CTNNA2: variants seen among roughly 807,000 people sequenced by gnomAD.
CTNNA2 encodes the protein catenin alpha-2.
CTNNA2 carries 42 observed loss-of-function variants against 101.0 expected under a neutral mutation model. The ratio of observed to expected loss-of-function variants is 0.42; its 90% CI spans 0.32 to 0.54. CTNNA2 has a LOEUF of 0.54. Ranked by LOEUF, CTNNA2 falls within the 20% of genes least tolerant of loss-of-function variation. CTNNA2 has a pLI of 0.14. For synonymous variants in CTNNA2, 450 were observed against 456.4 expected (o/e 0.99, Z 0.18); for missense variants, 871 against 1,223.1 (o/e 0.71, Z 4.29).
At chr2:80,146,683 G>GT (rs1255884055) in intron 7 of CTNNA2, among the ~76,000 whole-genome samples, 1 of 100,162 alleles carries the variant, frequency 1.0e-5, no homozygotes, top group Admixed American at 1.1e-4. Context: ...TTATACTATC[G>GT]TTTTCTGAAG....
At position 79,676,383 on chromosome 2, in the gene CTNNA2, C is replaced by A. The variant is rs148831344; in HGVS notation, c.102+24725C>A. ...AGGTCACATACCAGCTGTCACACCC[C>A]TCCCTGGACTCGGACACTTACTGTG... On this transcript the variant is annotated intron_variant, in intron 2 of 18. Transcript: ENST00000402739. Among the ~76,000 whole-genome samples the A allele has an allele frequency of 8.1e-4, 124 of 152,278 alleles. 1 individual carries two copies. In the East Asian group the frequency reaches 8.9e-3, roughly 11 times the overall value.
At chr2:79,285,465 G>A (rs189621909) in intron 2 of CTNNA2, among the ~76,000 whole-genome samples, 13,177 of 143,830 alleles carry the variant, frequency 0.092, 606 homozygotes, top group Non-Finnish European at 0.11. Context: ...CTTTGTTCAC[G>A]TTGGTTTCAA....
At chr2:79,325,187 T>A (rs1676717439) in intron 3 of CTNNA2, among the ~76,000 whole-genome samples, 1 of 152,070 alleles carries the variant, frequency 6.6e-6, no homozygotes, top group African/African-American at 2.4e-5. Context: ...CTATGAGAAA[T>A]AGGAATAGGT....
chr2:80,522,166 C>T (rs769444388), intron 9 of CTNNA2, among the ~76,000 whole-genome samples: 6 of 152,118 alleles, frequency 3.9e-5, no homozygotes, highest in African/African-American at 1.2e-4. Flanking sequence ...AGTCCATATT[C>T]GGAAACAGTT....
At chr2:79,866,333 C>T (rs1184439415) in intron 4 of CTNNA2, among the ~76,000 whole-genome samples, 2 of 152,142 alleles carry the variant, frequency 1.3e-5, no homozygotes, top group East Asian at 3.9e-4. Context: ...GACAAAAATA[C>T]GTGGTTTAGC....
At chr2:80,124,956 G>A (rs1011439561) in intron 7 of CTNNA2, among the ~76,000 whole-genome samples, 1 of 152,174 alleles carries the variant, frequency 6.6e-6, no homozygotes, top group African/African-American at 2.4e-5. Context: ...GGCCAAGGCA[G>A]AGGGGAAGAT....
intron 7 of CTNNA2, among the ~76,000 whole-genome samples, chr2:79,967,933 A>G (rs550631316): frequency 7.9e-5 from 12 of 152,360 alleles, no homozygotes; most frequent in Admixed American, 6.5e-4. Flanking sequence ...ACATTATGCT[A>G]TATAAAAGAA....
At chr2:79,704,677 T>C (rs1446593572) in intron 2 of CTNNA2, among the ~76,000 whole-genome samples, 2 of 149,670 alleles carry the variant, frequency 1.3e-5, no homozygotes, top group African/African-American at 5.1e-5. Context: ...CACGCCTGGC[T>C]AATTTTTTTG....
At chr2:80,590,230 G>A (rs879294011) in intron 15 of CTNNA2, among the ~76,000 whole-genome samples, 4 of 152,120 alleles carry the variant, frequency 2.6e-5, no homozygotes, top group African/African-American at 4.8e-5. Flanking sequence ...GACAAACCAA[G>A]GGAGAGCAAA....
chr2:80,465,952 G>A (rs1426252661), intron 9 of CTNNA2, among the ~76,000 whole-genome samples: 1 of 152,078 alleles, frequency 6.6e-6, no homozygotes. Flanking sequence ...GTCTCACATA[G>A]TTGGTTATTT....
chr2:79,730,200 A>T (rs1687113436), intron 2 of CTNNA2, among the ~76,000 whole-genome samples: 1 of 152,092 alleles, frequency 6.6e-6, no homozygotes. Flanking sequence ...TGATTTTCTT[A>T]TCTGAGTAAT....
At chr2:80,090,232 G>A (rs1051596318) in intron 7 of CTNNA2, among the ~76,000 whole-genome samples, 2 of 151,600 alleles carry the variant, frequency 1.3e-5, no homozygotes, top group Non-Finnish European at 2.9e-5. Flanking sequence ...ATGCCTACAT[G>A]TGAGTTTTGC....
intron 3 of CTNNA2, among the ~76,000 whole-genome samples, chr2:79,366,371 T>C (rs1677751041): frequency 6.6e-6 from 1 of 152,266 alleles, no homozygotes; most frequent in African/African-American, 2.4e-5. Context: ...TTCTTCCTTA[T>C]ATTAGGAACA....
rs547135213 is a variant in CTNNA2, at chr2:79,193,644, T to G, written c.-523-4315T>G. Among the ~76,000 whole-genome samples the G allele has an allele frequency of 1.6e-4, 25 of 152,310 alleles. No homozygotes were observed. The South Asian group carries it at 1.7e-3, about 10-fold the overall frequency. On this transcript the variant is annotated intron_variant, in intron 1 of 21. Transcript: ENST00000466387. ...TGCCTTCCATTTTTGACCTCCAATT[T>G]CAAATAGGGCATCTCTAGTAGGCTT...
At chr2:80,481,632 C>G (rs2149500519) in intron 9 of CTNNA2, among the ~76,000 whole-genome samples, 1 of 152,190 alleles carries the variant, frequency 6.6e-6, no homozygotes. Context: ...GTCAAAGGAC[C>G]TCAGAGTTTT....
chr2:79,697,407 G>A (rs999033707), intron 2 of CTNNA2, among the ~76,000 whole-genome samples: 1 of 152,048 alleles, frequency 6.6e-6, no homozygotes, highest in African/African-American at 2.4e-5. Context: ...AGTTCTGACA[G>A]TCTGTCAACA....
At chr2:79,687,284 A>G (rs1031278792) in intron 2 of CTNNA2, among the ~76,000 whole-genome samples, 3 of 152,118 alleles carry the variant, frequency 2.0e-5, no homozygotes, top group African/African-American at 7.2e-5. Context: ...TGAAAAAGTG[A>G]TACTCAAAAT....
chr2:79,329,555 G>A (rs1367036237), intron 3 of CTNNA2, among the ~76,000 whole-genome samples: 1 of 151,986 alleles, frequency 6.6e-6, no homozygotes, highest in Non-Finnish European at 1.5e-5. Context: ...ACCTACACTG[G>A]TGTGCAGTGG....
At chr2:79,377,659 G>A (rs142785969) in intron 4 of CTNNA2, among the ~76,000 whole-genome samples, 17 of 152,214 alleles carry the variant, frequency 1.1e-4, no homozygotes, top group Admixed American at 8.5e-4. Context: ...TGGGGAAAAG[G>A]GCATGTTTGC....
Sources: gnomAD v4.1 joint callset for allele counts (sites outside exome capture counted in the v4.1 genomes callset) on GRCh38, gnomAD v4.1.1 for gene constraint, MANE v1.5 for transcripts, NCBI Gene and HGNC (gene_info 2026-07-23, HGNC 2026-07-21) for gene names.